The following UMODL1 variants were observed in gnomAD, a reference collection of about 807,000 sequenced individuals.
UMODL1 encodes the protein uromodulin like 1, also known as uromodulin-like 1.
Under a neutral mutation model 136.3 loss-of-function variants are expected in UMODL1, and 128 were observed. The ratio of observed to expected loss-of-function variants is 0.94; its 90% CI spans 0.81 to 1.09. The LOEUF is 1.09. Among genes scored for constraint, UMODL1 ranks in the 50% least tolerant of loss-of-function variants. UMODL1 has a pLI of 0.00. For synonymous variants in UMODL1, 721 were observed against 720.0 expected, an observed-to-expected ratio of 1.00 and a Z score of -0.02; for missense variants, 1,766 against 1,725.6, an observed-to-expected ratio of 1.02 and a Z score of -0.41.
chr21:42,068,172 G>A (rs79306316), upstream of UMODL1, among the ~76,000 whole-genome samples: 5,724 of 152,244 alleles, frequency 0.038, 291 homozygotes, highest in African/African-American at 0.12. This position sits in a 1 kb window ranked among gnomAD's most constrained non-coding sequence, Gnocchi z 5.5. Flanking sequence ...GAATTTTCAG[G>A]CAGAGCCATC....
chr21:42,070,237 C>G (rs977079403), upstream of UMODL1, among the ~76,000 whole-genome samples: 1 of 152,222 alleles, frequency 6.6e-6, no homozygotes, highest in Non-Finnish European at 1.5e-5. Context: ...CAACGTGAAT[C>G]TTTGTTAATT....
chr21:42,093,971 G>C, intron 6 of UMODL1: 1 of 456,694 alleles, frequency 2.2e-6, no homozygotes, highest in Non-Finnish European at 4.4e-6. Context: ...CTGCTCTGTG[G>C]CTTCCAGGGT....
intron 9 of UMODL1, among the ~76,000 whole-genome samples, chr21:42,105,245 A>T (rs184074023): frequency 1.7e-3 from 262 of 152,262 alleles, no homozygotes; most frequent in Non-Finnish European, 2.9e-3. Flanking sequence ...GTAGGGCCTG[A>T]GGTTGGGGTC....
rs1555922532 is a variant in UMODL1, at chr21:42,095,089, G to GGTTTTT, written c.932-3837_932-3836insGTTTTT. The stretch of plus-strand genomic sequence containing the variant: ...CATCACTCCTTTGTTTTCTTCTGCT[G>GGTTTTT]TTTTTTTTTTTTTTTTTTTTTTTGA... On this transcript the variant is annotated intron_variant, in intron 6 of 22. Transcript: ENST00000408910. Among the ~76,000 whole-genome samples, 30 of 61,186 alleles carry GGTTTTT rather than the reference G, an allele frequency of 4.9e-4. 2 individuals carry two copies. Among genetic ancestry groups the GGTTTTT allele is most frequent in the South Asian group, 6.9e-4 (1 of 1,452 alleles). The allele number at this position is 61,186 out of a possible 152,430, so 40.1% of individuals were successfully genotyped here.
chr21:42,094,141 G>A (rs2066525489), intron 6 of UMODL1: 4 of 361,644 alleles, frequency 1.1e-5, no homozygotes, highest in South Asian at 8.2e-5. Flanking sequence ...ACAGTGAACT[G>A]CCAGATTGCG....
chr21:42,138,286 C>T (rs1569183080), intron 22 of UMODL1, among the ~76,000 whole-genome samples: 1 of 152,188 alleles, frequency 6.6e-6, no homozygotes, highest in Non-Finnish European at 1.5e-5. Context: ...TGGATCCTAA[C>T]GATGGTCCTC....
chr21:42,080,205 G>A (rs1304823348), intron 2 of UMODL1, among the ~76,000 whole-genome samples: 1 of 152,234 alleles, frequency 6.6e-6, no homozygotes, highest in Non-Finnish European at 1.5e-5. Flanking sequence ...GCTCCTTGGA[G>A]CTGGATGTGA....
intron 22 of UMODL1, among the ~76,000 whole-genome samples, chr21:42,138,088 C>T (rs1384792393): frequency 6.6e-6 from 1 of 152,108 alleles, no homozygotes; most frequent in Non-Finnish European, 1.5e-5. Context: ...CAGGGGCCCA[C>T]CACAAATCCC....
At chr21:42,072,183 G>T (rs1185174770) in intron 1 of UMODL1, among the ~76,000 whole-genome samples, 1 of 152,230 alleles carries the variant, frequency 6.6e-6, no homozygotes, top group Non-Finnish European at 1.5e-5. Context: ...CTGCACCAGG[G>T]CTCTGTCCGG....
rs193258757 is a variant in UMODL1 at position 42,129,833 on chromosome 21, A to G, written c.3775+36A>G. 50 of 1,453,684 alleles carry G rather than the reference A, an allele frequency of 3.4e-5. No homozygotes were observed. In the Middle Eastern group the frequency reaches 8.9e-4, roughly 26 times the overall value. The allele number at this position is 1,453,684 out of a possible 1,614,324, so 90.0% of individuals were successfully genotyped here. A position where few individuals can be genotyped will look rare whatever the true frequency, so the allele number is the denominator to read the frequency against. ...GACTTGGTTTAGACAATGAAAGAAA[A>G]GATGCAACCGATTCCTTTTCACCAG... On this transcript the variant is annotated intron_variant, in intron 21 of 22. Coordinates refer to ENST00000408910, the MANE Select transcript of UMODL1 (RefSeq NM_001004416.3).
At chr21:42,106,479 C>T (rs920437350) in intron 9 of UMODL1, among the ~76,000 whole-genome samples, 4 of 152,228 alleles carry the variant, frequency 2.6e-5, no homozygotes, top group Non-Finnish European at 5.9e-5. Context: ...CCACATGTCC[C>T]AACCCCGATA....
upstream of UMODL1, among the ~76,000 whole-genome samples, chr21:42,070,778 G>A (rs2146410376): frequency 6.6e-6 from 1 of 152,376 alleles, no homozygotes; most frequent in South Asian, 2.1e-4. Flanking sequence ...CTCAGCCCAA[G>A]CTCCGGGAGG....
upstream of UMODL1, chr21:42,062,925 G>A (rs1223233301): frequency 1.3e-5 from 2 of 152,358 alleles, no homozygotes; most frequent in East Asian, 1.9e-4. Flanking sequence ...CTCGCAGCTC[G>A]GAGGCTGCAG....
Position 42,099,059 on chromosome 21 carries a change from C to T in UMODL1, c.1065C>T (p.Ser355=), listed in dbSNP as rs114133948. Residue 355 remains serine, a synonymous_variant, in exon 7 of 23, where the codon AGC becomes AGT. Coordinates refer to ENST00000408910, the MANE Select transcript of UMODL1 (RefSeq NM_001004416.3). The surrounding 1 kb of genome is among the most constrained non-coding windows in gnomAD (Gnocchi z 4.1). ...RVYRGMELLR[S]ARTQSQALAV... ...ACCGGGGTATGGAGTTGCTCAGGAG[C>T]GCCAGGACACAGAGCCAGGCACTGG... 1,254 of 1,614,164 alleles carry T rather than the reference C, an allele frequency of 7.8e-4. 7 individuals are homozygous for T. The African/African-American group carries it at 0.014, about 18-fold the overall frequency.
At chr21:42,092,935 G>C (rs2146455770) in intron 6 of UMODL1, among the ~76,000 whole-genome samples, 1 of 152,294 alleles carries the variant, frequency 6.6e-6, no homozygotes, top group African/African-American at 2.4e-5. Flanking sequence ...GTCCTCTGAA[G>C]ACGCACATGA....
chr21:42,113,929 G>A lies in UMODL1; in HGVS notation c.2362+99G>A, dbSNP rs890840292. On this transcript the variant is annotated intron_variant, in intron 13 of 22. Transcript: ENST00000408910. ...AGAGAGCTGGATTTGTTTATGGGCT[G>A]CTAGGTGTCATTGTTCTTCTCAGCT... 2.2e-5 allele frequency: 32 copies of A among 1,459,622 alleles called. No homozygotes were observed. The East Asian group carries it at 7.1e-4, about 32-fold the overall frequency. The allele number at this position is 1,459,622 out of a possible 1,614,324, so 90.4% of individuals were successfully genotyped here. A position where few individuals can be genotyped will look rare whatever the true frequency, so the allele number is the denominator to read the frequency against.
chr21:42,090,233 A>T, intron 5 of UMODL1, 65 bp from the exon 6 acceptor site: 1 of 1,603,036 alleles, frequency 6.2e-7, no homozygotes, highest in South Asian at 1.1e-5. Context: ...GTGTGTGTGC[A>T]GGTAGATGAA....
intron 1 of UMODL1, among the ~76,000 whole-genome samples, chr21:42,063,465 G>C (rs1005301174): frequency 1.3e-5 from 2 of 152,218 alleles, no homozygotes; most frequent in Non-Finnish European, 2.9e-5. Context: ...CCAGGCATTG[G>C]GATTTTTTAA....
intron 20 of UMODL1, among the ~76,000 whole-genome samples, chr21:42,128,731 C>A (rs543369653): frequency 2.1e-4 from 32 of 152,232 alleles, no homozygotes; most frequent in Non-Finnish European, 1.9e-4. Context: ...CGGACAGCCA[C>A]CGCCAGGCTT....
Sources: gnomAD v4.1 joint callset for allele counts (sites outside exome capture counted in the v4.1 genomes callset) on GRCh38, gnomAD v4.1.1 for gene constraint, Gnocchi (gnomAD v3.1) non-coding constraint, MANE v1.5 for transcripts, NCBI Gene and HGNC (gene_info 2026-07-23, HGNC 2026-07-21) for gene names.